TBC1D32: variants seen among roughly 807,000 people sequenced by gnomAD.
TBC1D32 encodes the protein protein broad-minded.
In TBC1D32, 151 loss-of-function variants were observed where a neutral mutation model predicts 170.3. That is an observed-to-expected ratio of 0.89 (90% CI 0.78 to 1.01). The LOEUF (loss-of-function observed/expected upper bound fraction) is 1.01. Ranked by LOEUF, TBC1D32 falls within the 50% of genes least tolerant of loss-of-function variation. The pLI is 0.00. For synonymous variants in TBC1D32, 498 were observed against 488.0 expected (o/e 1.02, Z -0.27); for missense variants, 1,464 against 1,457.1 (o/e 1.00, Z -0.08).
chr6:121,308,686 C>CTTTTTTTTTTTTTTTTTTT (rs67847088), intron 4 of TBC1D32, among the ~76,000 whole-genome samples: 33 of 112,534 alleles, frequency 2.9e-4, no homozygotes, highest in African/African-American at 1.2e-3. Flanking sequence ...AAGCTTACTT[C>CTTTTTTTTTTTTTTTTTTT]TTTTTTTTTT....
intron 24 of TBC1D32, among the ~76,000 whole-genome samples, chr6:121,136,495 T>C (rs1781558952): frequency 6.6e-6 from 1 of 152,080 alleles, no homozygotes; most frequent in African/African-American, 2.4e-5. Flanking sequence ...TCAAGTGGAT[T>C]GGAGCCAGGG....
chr6:121,110,917 A>T (rs554334815), intron 29 of TBC1D32, among the ~76,000 whole-genome samples: 1 of 152,316 alleles, frequency 6.6e-6, no homozygotes, highest in South Asian at 2.1e-4. Context: ...ACTGGTAATA[A>T]AACATTCAAC....
intron 22 of TBC1D32, among the ~76,000 whole-genome samples, chr6:121,194,435 G>T (rs558746113): frequency 6.6e-6 from 1 of 152,332 alleles, no homozygotes; most frequent in African/African-American, 2.4e-5. Context: ...GGACTTGAAG[G>T]ATGCATAGGT....
intron 17 of TBC1D32, among the ~76,000 whole-genome samples, chr6:121,252,317 C>T (rs1362353856): frequency 2.0e-5 from 3 of 152,180 alleles, no homozygotes; most frequent in African/African-American, 7.2e-5. Flanking sequence ...AGACTTGGAA[C>T]TAATGCAAAT....
chr6:121,182,569 G>A (rs1788670235), intron 22 of TBC1D32, among the ~76,000 whole-genome samples: 1 of 151,978 alleles, frequency 6.6e-6, no homozygotes, highest in South Asian at 2.1e-4. Context: ...TAAGCTAGCA[G>A]TTAGACTAAA....
chr6:121,153,854 C>T (rs959310394), intron 24 of TBC1D32, among the ~76,000 whole-genome samples: 2 of 151,984 alleles, frequency 1.3e-5, no homozygotes, highest in African/African-American at 2.4e-5. Context: ...ACCAAGCTTG[C>T]GTATACCAGG....
intron 20 of TBC1D32, among the ~76,000 whole-genome samples, chr6:121,238,507 C>T (rs946144875): frequency 1.3e-5 from 2 of 152,088 alleles, no homozygotes; most frequent in African/African-American, 4.8e-5. Flanking sequence ...AGCTACCATA[C>T]AATCAAAGTT....
At chr6:121,105,327 G>A (rs1169116542) in intron 30 of TBC1D32, among the ~76,000 whole-genome samples, 1 of 151,892 alleles carries the variant, frequency 6.6e-6, no homozygotes, top group African/African-American at 2.4e-5. Flanking sequence ...AAATTCATTT[G>A]ATAATATGAG....
At chr6:121,185,115 A>C (rs1395044787) in intron 22 of TBC1D32, among the ~76,000 whole-genome samples, 3 of 151,846 alleles carry the variant, frequency 2.0e-5, no homozygotes, top group Admixed American at 6.6e-5. Flanking sequence ...CCATAAACCT[A>C]TACAAATCAG....
chr6:121,225,640 T>C (rs974576561), intron 20 of TBC1D32, among the ~76,000 whole-genome samples: 1 of 152,086 alleles, frequency 6.6e-6, no homozygotes, highest in African/African-American at 2.4e-5. Context: ...TATGCTACTC[T>C]AAGCAAATCA....
chr6:121,319,391 A>G (rs1318338313), intron 2 of TBC1D32, among the ~76,000 whole-genome samples: 1 of 152,140 alleles, frequency 6.6e-6, no homozygotes, highest in African/African-American at 2.4e-5. Context: ...TCTGGGCAGC[A>G]AAAAACAGGG....
chr6:121,331,430 G>C (rs537206080), intron 1 of TBC1D32, among the ~76,000 whole-genome samples: 5 of 151,246 alleles, frequency 3.3e-5, no homozygotes, highest in Admixed American at 2.6e-4. Flanking sequence ...ATGTTCGCTA[G>C]GCTGGTCTTG....
intron 22 of TBC1D32, among the ~76,000 whole-genome samples, chr6:121,184,838 C>T (rs1788967680): frequency 6.6e-6 from 1 of 151,890 alleles, no homozygotes; most frequent in South Asian, 2.1e-4. Context: ...ACCATCGTGG[C>T]CACTTTGCAC....
intron 30 of TBC1D32, 150 bp downstream of exon 30, chr6:121,105,873 T>G: frequency 1.2e-6 from 1 of 848,772 alleles, no homozygotes; most frequent in Non-Finnish European, 1.7e-6. Flanking sequence ...CAAACTTACA[T>G]CATAACAGGC....
At chr6:121,096,354 G>C (rs993283394) in intron 30 of TBC1D32, 1 of 151,874 alleles carries the variant, frequency 6.6e-6, no homozygotes, top group Admixed American at 6.6e-5. Flanking sequence ...AAAGTCTCAG[G>C]ATACAAAATC....
intron 31 of TBC1D32, among the ~76,000 whole-genome samples, chr6:121,081,883 C>T (rs1376707784): frequency 6.6e-6 from 1 of 152,008 alleles, no homozygotes; most frequent in Admixed American, 6.6e-5. Flanking sequence ...GCCATCATTA[C>T]CAAAAATCTA....
chr6:121,306,520 C>T (rs182803044), intron 5 of TBC1D32, among the ~76,000 whole-genome samples: 36 of 152,220 alleles, frequency 2.4e-4, no homozygotes, highest in African/African-American at 8.2e-4. Context: ...AAATGTAACT[C>T]TTCTGCTAAT....
At chr6:121,255,153 G>T (rs1267766912) in intron 17 of TBC1D32, among the ~76,000 whole-genome samples, 175 bp downstream of exon 17, 2 of 151,692 alleles carry the variant, frequency 1.3e-5, no homozygotes, top group African/African-American at 4.8e-5. Flanking sequence ...TTTTAAAAAG[G>T]TTATGAGTAT....
chr6:121,224,114 CA>C lies in TBC1D32; in HGVS notation c.2365-763del, dbSNP rs980625319. Among the ~76,000 whole-genome samples the C allele has an allele frequency of 2.9e-3, 438 of 152,176 alleles. 1 individual carries two copies. The highest frequency in any genetic ancestry group is 9.7e-3 in the African/African-American group (403 of 41,510). On this transcript the variant is annotated intron_variant, in intron 20 of 31. Coordinates refer to ENST00000398212, the MANE Select transcript of TBC1D32 (RefSeq NM_152730.6). ...AAAAGCCTCATTTCCTAGTATTCCT[CA>C]GCATGAAGTCGTCACTTCAGTCAAT...
Sources: allele counts gnomAD v4.1 joint callset (sites outside exome capture counted in the v4.1 genomes callset), GRCh38; gene constraint gnomAD v4.1.1; transcripts MANE v1.5; gene names NCBI Gene and HGNC (gene_info 2026-07-23, HGNC 2026-07-21).